Variants in ST7 observed in about 807,000 individuals in gnomAD.
The protein encoded by ST7 is suppression of tumorigenicity 7, also known as suppressor of tumorigenicity 7 protein.
In ST7, 28 loss-of-function variants were observed where a neutral mutation model predicts 78.7. The ratio of observed to expected loss-of-function variants is 0.36; its 90% confidence interval spans 0.26 to 0.49. ST7 has a LOEUF of 0.49. Ranked by LOEUF, ST7 falls within the 20% of genes least tolerant of loss-of-function variation. The pLI is 0.99. For missense variants in ST7, 418 were observed against 696.0 expected (o/e 0.60, Z 4.49); for synonymous variants, 247 against 249.6 (o/e 0.99, Z 0.10).
At chr7:117,169,804 C>CTTTT (rs757197865) in intron 9 of ST7, among the ~76,000 whole-genome samples, 9 of 131,548 alleles carry the variant, frequency 6.8e-5, no homozygotes, top group East Asian at 2.2e-4. Context: ...CTTAGCAATC[C>CTTTT]TTTTTTTTTT....
intron 12 of ST7, among the ~76,000 whole-genome samples, chr7:117,208,895 ATGTGTGGG>A (rs1353068394): frequency 8.4e-4 from 81 of 96,938 alleles, no homozygotes; most frequent in South Asian, 3.2e-3. Flanking sequence ...GGGTGGGTGT[ATGTGTGGG>A]TGTGTGTGTG....
At chr7:117,205,944 C>T (rs1791712863) in intron 12 of ST7, among the ~76,000 whole-genome samples, 1 of 152,200 alleles carries the variant, frequency 6.6e-6, no homozygotes. Flanking sequence ...TTGATTTCTG[C>T]ATACTTGTGG....
Position 117,073,631 on chromosome 7 carries a change from C to T in ST7, c.152-26131C>T, listed in dbSNP as rs115004626. On this transcript the variant is annotated intron_variant, in intron 1 of 15. Transcript: ENST00000323984. Reference sequence around the variant, plus strand: ...AACTCTTTCTTCTACTGCCACTACTCGTATGACTCAAGTCCTTAACTTCTC... The same window carrying T: ...AACTCTTTCTTCTACTGCCACTACTTGTATGACTCAAGTCCTTAACTTCTC... Among the ~76,000 whole-genome samples the T allele has an allele frequency of 5.1e-3, 782 of 152,296 alleles. 5 individuals are homozygous for T. The highest frequency in any genetic ancestry group is 0.016 in the African/African-American group (665 of 41,540).
chr7:117,164,857 C>T (rs1377727882), intron 9 of ST7, among the ~76,000 whole-genome samples: 1 of 20,010 alleles, frequency 5.0e-5, no homozygotes, highest in South Asian at 2.5e-3. Context: ...TTTGGTGGGG[C>T]GGGGGTGGGA....
intron 9 of ST7, among the ~76,000 whole-genome samples, chr7:117,162,696 TATA>T (rs1807253062): frequency 6.6e-6 from 1 of 152,042 alleles, no homozygotes; most frequent in South Asian, 2.1e-4. Context: ...GTTTTTAGAA[TATA>T]ATATCATTAT....
intron 10 of ST7, among the ~76,000 whole-genome samples, chr7:117,175,876 A>G (rs1291475695): frequency 6.6e-6 from 1 of 152,168 alleles, no homozygotes; most frequent in Non-Finnish European, 1.5e-5. Context: ...CTATATATAA[A>G]ATGTCGCAAT....
chr7:117,211,432 T>A (rs2116056234), intron 13 of ST7, among the ~76,000 whole-genome samples: 1 of 152,314 alleles, frequency 6.6e-6, no homozygotes. Flanking sequence ...ACACAATACA[T>A]GTTTATTTAA....
chr7:117,155,068 G>A (rs1376826790), intron 9 of ST7, among the ~76,000 whole-genome samples: 1 of 152,152 alleles, frequency 6.6e-6, no homozygotes, highest in Non-Finnish European at 1.5e-5. Flanking sequence ...GTGCTATAAA[G>A]AAACTAAACA....
chr7:117,150,955 C>T (rs1187366519), intron 9 of ST7, among the ~76,000 whole-genome samples: 1 of 152,212 alleles, frequency 6.6e-6, no homozygotes, highest in Non-Finnish European at 1.5e-5. Context: ...CTCTTTGCCT[C>T]ACCTTTCACA....
chr7:117,157,725 T>G (rs1226039251), intron 9 of ST7, among the ~76,000 whole-genome samples: 1 of 152,184 alleles, frequency 6.6e-6, no homozygotes, highest in Non-Finnish European at 1.5e-5. Context: ...CCAGTGTGGT[T>G]AGCTGCTTGT....
intron 1 of ST7, among the ~76,000 whole-genome samples, chr7:117,037,923 T>A (rs925226486): frequency 1.3e-5 from 2 of 152,208 alleles, no homozygotes; most frequent in Non-Finnish European, 2.9e-5. Context: ...ATTGATATCT[T>A]GATATAAGCT....
intron 2 of ST7, among the ~76,000 whole-genome samples, chr7:117,114,795 G>A (rs1356052730): frequency 6.6e-6 from 1 of 152,188 alleles, no homozygotes; most frequent in Non-Finnish European, 1.5e-5. Context: ...AAGAACCTAG[G>A]CATCTTGAAC....
chr7:117,132,074 T>G (rs1341426511), intron 6 of ST7, 114 bp downstream of exon 6: 1 of 1,092,480 alleles, frequency 9.2e-7, no homozygotes, highest in East Asian at 2.4e-5. Context: ...GAGGATTATT[T>G]GGGGAGTTAT....
chr7:117,210,523 G>A (rs773929449), intron 13 of ST7, among the ~76,000 whole-genome samples: 2 of 152,196 alleles, frequency 1.3e-5, no homozygotes, highest in Admixed American at 1.3e-4. Flanking sequence ...TCCATGTAAG[G>A]AGAATAGGCT....
At chr7:116,972,832 C>A in intron 1 of ST7, 2 of 1,079,204 alleles carry the variant, frequency 1.9e-6, no homozygotes, top group Non-Finnish European at 1.4e-6. Flanking sequence ...ACGATCAGCT[C>A]GCTCCTCTGC....
intron 9 of ST7, among the ~76,000 whole-genome samples, chr7:117,163,589 CTT>C (rs1807322418): frequency 6.6e-6 from 1 of 152,026 alleles, no homozygotes; most frequent in African/African-American, 2.4e-5. Context: ...ATTTGTATGT[CTT>C]CTTTTGAGAA....
At chr7:116,958,497 G>T (rs1792645947) in intron 1 of ST7, 2 of 364,254 alleles carry the variant, frequency 5.5e-6, no homozygotes, top group Non-Finnish European at 1.1e-5. Flanking sequence ...CTTCTAGAGG[G>T]TCTGGTTGCA....
At position 117,111,044 on chromosome 7, in the gene ST7, G is replaced by C. The variant is rs548164205; in HGVS notation, c.235-8517G>C. Among the ~76,000 whole-genome samples, 5 of 152,322 alleles carry C rather than the reference G, an allele frequency of 3.3e-5. No individual in the cohort carries two copies. In the East Asian group the frequency reaches 9.6e-4, roughly 29 times the overall value. On this transcript the variant is annotated intron_variant, in intron 2 of 15. Coordinates refer to ENST00000323984, the MANE Select transcript of ST7 (RefSeq NM_001369598.1). ...CTGTAGTGAGAGCTAAATAACTACA[G>C]TGTGTACAGCTTTAGGCTCCTGCTT...
intron 1 of ST7, among the ~76,000 whole-genome samples, chr7:117,007,437 G>A (rs573575639): frequency 2.0e-5 from 3 of 152,302 alleles, no homozygotes; most frequent in Admixed American, 1.3e-4. Flanking sequence ...GCAGAGGAAC[G>A]CTTTGAAGCT....
Sources: gnomAD v4.1 joint callset for allele counts (sites outside exome capture counted in the v4.1 genomes callset) on GRCh38, gnomAD v4.1.1 for gene constraint, MANE v1.5 for transcripts, NCBI Gene and HGNC (gene_info 2026-07-23, HGNC 2026-07-21) for gene names.